PAK3: variants seen among roughly 807,000 people sequenced by gnomAD.
The protein encoded by PAK3 is serine/threonine-protein kinase PAK 3.
A neutral mutation model predicts 41.0 loss-of-function variants in PAK3; 4 were observed. The observed-to-expected ratio is 0.10, with a 90% confidence interval of 0.05 to 0.22. The LOEUF (loss-of-function observed/expected upper bound fraction) is 0.22, where lower values mean the gene tolerates loss of function less well. Among genes scored for constraint, PAK3 ranks in the 10% least tolerant of loss-of-function variants. The pLI is 1.00. For missense variants in PAK3, 205 were observed against 409.9 expected (o/e 0.50, Z 4.32); for synonymous variants, 146 against 139.6 (o/e 1.05, Z -0.32).
chrX:111,025,346 C>G (rs1263264601), intron 1 of PAK3, among the ~76,000 whole-genome samples: 1 of 110,821 alleles, frequency 9.0e-6, no homozygotes, highest in East Asian at 2.8e-4. Flanking sequence ...ATAAATGAAA[C>G]AAAAAGCTGG....
At chrX:111,217,085 A>G in intron 17 of PAK3, 1 of 697,145 alleles carries the variant, frequency 1.4e-6, no homozygotes, top group South Asian at 7.4e-5. Flanking sequence ...ATTAGTATAC[A>G]TGATGAGAAA....
rs750092802 is a variant in PAK3 at position 111,207,209 on chromosome X, CACATAT to C, written c.1408-9196_1408-9191del. Among the ~76,000 whole-genome samples, 589 of 107,142 alleles carry C rather than the reference CACATAT, an allele frequency of 5.5e-3. 3 individuals carry two copies. The highest frequency in any genetic ancestry group is 0.019 in the African/African-American group (549 of 29,275). 93.0% of individuals were successfully genotyped at this position (107,142 alleles called of 115,157 possible). A position where few individuals can be genotyped will look rare whatever the true frequency, so the allele number is the denominator to read the frequency against. Reference sequence around the variant, plus strand: ...ATACGTATATGTGTGTATATATATACACATATACATATACATATACACATACACACA... The same window carrying C: ...ATACGTATATGTGTGTATATATATACACATATACATATACACATACACACA... On this transcript the variant is annotated intron_variant, in intron 16 of 17. Transcript: ENST00000372007.
At chrX:110,978,496 T>C (rs1480604938) in intron 1 of PAK3, among the ~76,000 whole-genome samples, 2 of 111,409 alleles carry the variant, frequency 1.8e-5, no homozygotes, top group African/African-American at 3.3e-5. Context: ...ATGGTTGATT[T>C]TGTAATATTG....
At chrX:111,181,096 C>T (rs1289501054) in intron 11 of PAK3, among the ~76,000 whole-genome samples, 6 of 111,739 alleles carry the variant, frequency 5.4e-5, no homozygotes, top group African/African-American at 2.0e-4. Context: ...AATAAAAACA[C>T]TCCCACACTG....
intron 1 of PAK3, among the ~76,000 whole-genome samples, chrX:110,964,337 A>G (rs903876139): frequency 8.9e-6 from 1 of 112,309 alleles, no homozygotes; most frequent in African/African-American, 3.2e-5. Flanking sequence ...TAATTCGTGT[A>G]TGAATCACCA....
At chrX:111,157,542 G>A (rs1488420401) in intron 8 of PAK3, among the ~76,000 whole-genome samples, 1 of 111,219 alleles carries the variant, frequency 9.0e-6, no homozygotes, top group Non-Finnish European at 1.9e-5. Flanking sequence ...TGTAATCCCG[G>A]CACTTTGGGA....
At chrX:110,980,409 A>T (rs1268918855) in intron 1 of PAK3, among the ~76,000 whole-genome samples, 1 of 111,969 alleles carries the variant, frequency 8.9e-6, no homozygotes, top group Non-Finnish European at 1.9e-5. Flanking sequence ...CAAAATATTG[A>T]GGAGTGCATG....
intron 16 of PAK3, among the ~76,000 whole-genome samples, chrX:111,214,169 T>TA (rs769871505): frequency 1.8e-5 from 2 of 112,264 alleles, no homozygotes; most frequent in Admixed American, 1.9e-4. Flanking sequence ...TATGGCATTG[T>TA]AATTCTCACA....
chrX:111,117,077 G>A lies in PAK3; in HGVS notation c.-27-6000G>A, dbSNP rs150341637. On this transcript the variant is annotated intron_variant, in intron 4 of 17. Transcript: ENST00000372007. ...CTCCAGAAGAGGCGAGCTCCAAAAC[G>A]AGGCCATCTAAGAATTGGTACAACT... Among the ~76,000 whole-genome samples the A allele has an allele frequency of 8.3e-3, 930 of 111,578 alleles. 15 individuals are homozygous for A. Among genetic ancestry groups the A allele is most frequent in the African/African-American group, 0.029 (890 of 30,699 alleles).
chrX:111,015,797 T>TTTGTTG (rs952166012), intron 1 of PAK3, among the ~76,000 whole-genome samples: 2 of 111,940 alleles, frequency 1.8e-5, no homozygotes, highest in African/African-American at 3.2e-5. Context: ...AATCAGGTTA[T>TTTGTTG]TTGTTGTTGT....
Position 110,968,444 on chromosome X carries a change from G to A in PAK3, c.-28+23816G>A, listed in dbSNP as rs558611467. Reference sequence around the variant, plus strand: ...TGGCTATACCATTTTACATTTTCAGGAACAATGTATCAGTGATCCAATTTC... The same window carrying A: ...TGGCTATACCATTTTACATTTTCAGAAACAATGTATCAGTGATCCAATTTC... On this transcript the variant is annotated intron_variant, in intron 1 of 14. Transcript: ENST00000425146. Among the ~76,000 whole-genome samples the A allele has an allele frequency of 1.4e-4, 16 of 112,418 alleles. No individual in the cohort carries two copies. In the East Asian group the frequency reaches 4.5e-3, roughly 31 times the overall value.
At chrX:111,192,199 AT>A in intron 12 of PAK3, 24 bp downstream of exon 12, 1 of 975,183 alleles carries the variant, frequency 1.0e-6, no homozygotes, top group Non-Finnish European at 1.5e-6. Context: ...TTCAATCCTG[AT>A]TTTTATTTTC....
chrX:111,163,798 A>G, intron 10 of PAK3, 71 bp downstream of exon 10: 8 of 884,462 alleles, frequency 9.0e-6, no homozygotes, highest in Non-Finnish European at 1.2e-5. Context: ...ATGGGAATTG[A>G]TCCTTTGGAA....
At chrX:110,990,177 C>T (rs1469029065) in intron 1 of PAK3, among the ~76,000 whole-genome samples, 1 of 111,489 alleles carries the variant, frequency 9.0e-6, no homozygotes. Flanking sequence ...CTTATTTAGC[C>T]TCTCCGGCAC....
chrX:111,065,071 T>C (rs187412369), intron 1 of PAK3, among the ~76,000 whole-genome samples: 1 of 112,460 alleles, frequency 8.9e-6, no homozygotes, highest in East Asian at 2.8e-4. Context: ...CTAATTGCTC[T>C]GGCTAGGATT....
At chrX:111,086,017 T>A (rs1022173127) in intron 1 of PAK3, among the ~76,000 whole-genome samples, 1 of 106,249 alleles carries the variant, frequency 9.4e-6, no homozygotes, top group Non-Finnish European at 1.9e-5. Flanking sequence ...GTTATGTCCA[T>A]GGATCATTAG....
chrX:111,020,392 G>A lies in PAK3; in HGVS notation c.-28+75764G>A, dbSNP rs576355382. Among the ~76,000 whole-genome samples the A allele has an allele frequency of 1.9e-4, 21 of 111,789 alleles. No individual in the cohort carries two copies. In the South Asian group the frequency reaches 4.1e-3, roughly 22 times the overall value. On this transcript the variant is annotated intron_variant, in intron 1 of 14. Transcript: ENST00000425146. ...AGTAGAATGGTGGTTTCCAGGAGCT[G>A]AGAGGAGGGGAGAATGGGGAATTGT... is the stretch of plus-strand genomic sequence containing the variant.
intron 3 of PAK3, among the ~76,000 whole-genome samples, chrX:111,102,598 G>A (rs2093165327): frequency 8.9e-6 from 1 of 112,296 alleles, no homozygotes; most frequent in Admixed American, 9.4e-5. Context: ...ACTGAATGCA[G>A]TGCCACAACA....
intron 5 of PAK3, among the ~76,000 whole-genome samples, chrX:111,125,309 A>T (rs1034363332): frequency 9.0e-6 from 1 of 111,082 alleles, no homozygotes; most frequent in Non-Finnish European, 1.9e-5. Context: ...GACAAGAAAA[A>T]CCTATGGATG....
Sources: gnomAD v4.1 joint callset for allele counts (sites outside exome capture counted in the v4.1 genomes callset) on GRCh38, gnomAD v4.1.1 for gene constraint, MANE v1.5 for transcripts, NCBI Gene and HGNC (gene_info 2026-07-23, HGNC 2026-07-21) for gene names.